The following EHMT1 variants were observed in gnomAD, a reference collection of about 807,000 sequenced individuals.
EHMT1 encodes histone-lysine N-methyltransferase EHMT1.
A neutral mutation model predicts 147.2 loss-of-function variants in EHMT1; 15 were observed. The observed-to-expected ratio is 0.10, with a 90% CI of 0.07 to 0.16. The LOEUF (loss-of-function observed/expected upper bound fraction) is 0.16, where lower values mean the gene tolerates loss of function less well. Ranked by LOEUF, EHMT1 falls within the 10% of genes least tolerant of loss-of-function variation. The pLI is 1.00. For missense variants in EHMT1, 1,587 were observed against 1,772.4 expected (o/e 0.90, Z 1.88); for synonymous variants, 795 against 709.6 (o/e 1.12, Z -1.91).
intron 18 of EHMT1, chr9:137,803,066 A>G: frequency 8.1e-7 from 1 of 1,230,378 alleles, no homozygotes; most frequent in Non-Finnish European, 1.0e-6. Flanking sequence ...AGGCGGCCCT[A>G]GTGTGGCTGG....
In EHMT1 at chr9:137,779,720, A is replaced by G. The variant is rs778755235; in HGVS notation, c.2275+3A>G. On this transcript the variant is annotated splice_donor_region_variant and intron_variant, in intron 14 of 26. Transcript: ENST00000460843. Reference sequence around the variant, plus strand: ...TCAGAAGGTGCTCCTCATGCTGGGTAAGTGCCTTCCTGCGGCCCGGGCACA... The same window carrying G: ...TCAGAAGGTGCTCCTCATGCTGGGTGAGTGCCTTCCTGCGGCCCGGGCACA... The G allele has an allele frequency of 6.2e-7, 1 of 1,613,460 alleles. No homozygotes were observed. The highest frequency in any genetic ancestry group is 2.2e-5 in the East Asian group (1 of 44,874).
chr9:137,790,252 C>T (rs759279418), intron 15 of EHMT1, among the ~76,000 whole-genome samples: 19 of 152,292 alleles, frequency 1.2e-4, no homozygotes, highest in Middle Eastern at 3.4e-3. Context: ...GTTTCAACAG[C>T]CAAACAGCTG....
intron 22 of EHMT1, chr9:137,815,428 C>T (rs10780192): frequency 0.88 from 186,374 of 211,786 alleles, 86,821 homozygotes; most frequent in South Asian, 1. Flanking sequence ...CTGGGCAGCC[C>T]TGGGCCCCGC....
rs57930343 is a variant in EHMT1 at position 137,682,733 on chromosome 9, A to T, written c.22-28234A>T. 5.4e-3 allele frequency among the ~76,000 whole-genome samples: 823 copies of T among 152,174 alleles called. 10 individuals are homozygous for T. Among genetic ancestry groups the T allele is most frequent in the African/African-American group, 0.019 (780 of 41,526 alleles). On this transcript the variant is annotated intron_variant, in intron 1 of 26. Coordinates refer to ENST00000460843, the MANE Select transcript of EHMT1 (RefSeq NM_024757.5). Reference sequence around the variant, plus strand: ...TGAGCTGTCCCTGGGGTCATATCCAACCCCCTGAGGATGACGGCTGCTCTG... The same window carrying T: ...TGAGCTGTCCCTGGGGTCATATCCATCCCCCTGAGGATGACGGCTGCTCTG...
At chr9:137,623,490 C>T (rs1010316841) in intron 1 of EHMT1, among the ~76,000 whole-genome samples, 2 of 151,926 alleles carry the variant, frequency 1.3e-5, no homozygotes, top group African/African-American at 4.8e-5. Context: ...TCTCTGCTAA[C>T]TGCAGCCTCC....
intron 1 of EHMT1, among the ~76,000 whole-genome samples, chr9:137,661,554 C>T (rs545930951): frequency 4.0e-5 from 6 of 148,662 alleles, no homozygotes; most frequent in African/African-American, 1.3e-4. Flanking sequence ...GGCGCAATCT[C>T]GGCTCACTGC....
intron 2 of EHMT1, among the ~76,000 whole-genome samples, chr9:137,714,856 T>G (rs931694830): frequency 6.6e-6 from 1 of 152,126 alleles, no homozygotes; most frequent in African/African-American, 2.4e-5. Flanking sequence ...GCTTATAGAT[T>G]CAATTTGAGG....
chr9:137,830,806 A>ATT (rs1044495658), intron 25 of EHMT1, among the ~76,000 whole-genome samples: 3 of 152,100 alleles, frequency 2.0e-5, no homozygotes, highest in African/African-American at 7.2e-5. Flanking sequence ...ATTGTGTAAA[A>ATT]TTTTTGCATG....
chr9:137,804,147 G>T (rs911521866), intron 18 of EHMT1, among the ~76,000 whole-genome samples: 2 of 152,254 alleles, frequency 1.3e-5, no homozygotes, highest in South Asian at 2.1e-4. Context: ...AACAGCATGG[G>T]AGACCCACCC....
intron 16 of EHMT1, among the ~76,000 whole-genome samples, chr9:137,796,063 T>C (rs4876945): frequency 0.33 from 50,322 of 152,144 alleles, 8,618 homozygotes; most frequent in Admixed American, 0.43. Flanking sequence ...GTTTGTCTGA[T>C]GGCATCGAAA....
chr9:137,829,564 C>T (rs941510800), intron 25 of EHMT1, among the ~76,000 whole-genome samples: 1 of 152,240 alleles, frequency 6.6e-6, no homozygotes, highest in African/African-American at 2.4e-5. Flanking sequence ...CATCTACAGA[C>T]TCCTAGTTTC....
intron 1 of EHMT1, among the ~76,000 whole-genome samples, chr9:137,628,621 G>A (rs575371960): frequency 3.3e-5 from 5 of 152,278 alleles, no homozygotes; most frequent in South Asian, 2.1e-4. Context: ...AGATTCTTCC[G>A]TAAACTAGAA....
intron 1 of EHMT1, among the ~76,000 whole-genome samples, chr9:137,694,804 G>T (rs1943262438): frequency 6.6e-6 from 1 of 152,240 alleles, no homozygotes; most frequent in Non-Finnish European, 1.5e-5. Flanking sequence ...GAATCTCCTG[G>T]AAGGCAGGCC....
At position 137,817,969 on chromosome 9, in the gene EHMT1, C is replaced by T; in HGVS notation, c.3462-91C>T. 6.4e-6 allele frequency: 8 copies of T among 1,255,326 alleles called. No homozygotes were observed. In the South Asian group the frequency reaches 9.6e-5, roughly 15 times the overall value. 77.8% of individuals were successfully genotyped at this position (1,255,326 alleles called of 1,614,324 possible). ...GCATGTTCTTCTGGTGTGCCCTGCT[C>T]TTTCCCTGTGGCTGCGGAGTCTGGG... On this transcript the variant is annotated intron_variant, in intron 24 of 26. Transcript: ENST00000460843.
chr9:137,756,902 C>CT (rs1299506404), intron 8 of EHMT1, among the ~76,000 whole-genome samples: 1 of 152,104 alleles, frequency 6.6e-6, no homozygotes, highest in Admixed American at 6.5e-5. Flanking sequence ...TCCTGTCTGT[C>CT]TAAGATCTAG....
intron 25 of EHMT1, among the ~76,000 whole-genome samples, chr9:137,826,143 T>C (rs1955797003): frequency 2.8e-4 from 2 of 7,174 alleles, no homozygotes; most frequent in African/African-American, 1.4e-3. Flanking sequence ...TCTGGGTCCA[T>C]AGGGGGTGGG....
chr9:137,757,088 A>G (rs571147231), intron 8 of EHMT1, among the ~76,000 whole-genome samples: 10 of 152,374 alleles, frequency 6.6e-5, no homozygotes, highest in Non-Finnish European at 1.2e-4. Flanking sequence ...ACACACTTTC[A>G]TAGGCCTCCT....
chr9:137,657,972 T>G (rs1457745746), intron 1 of EHMT1, among the ~76,000 whole-genome samples: 1 of 152,120 alleles, frequency 6.6e-6, no homozygotes, highest in East Asian at 1.9e-4. Flanking sequence ...GCATGTGAAG[T>G]TTGTCTTTCT....
intron 19 of EHMT1, 94 bp downstream of exon 19, chr9:137,811,709 G>C: frequency 6.6e-7 from 1 of 1,518,252 alleles, no homozygotes; most frequent in Non-Finnish European, 9.0e-7. Flanking sequence ...CACTTGGGGC[G>C]TGAGTGGACA....
Sources: allele counts gnomAD v4.1 joint callset (sites outside exome capture counted in the v4.1 genomes callset), GRCh38; gene constraint gnomAD v4.1.1; transcripts MANE v1.5; gene names NCBI Gene and HGNC (gene_info 2026-07-23, HGNC 2026-07-21).